Variants in HS3ST2 observed in about 807,000 individuals in gnomAD.
HS3ST2 encodes heparan sulfate-glucosamine 3-sulfotransferase 2.
HS3ST2 carries 17 observed loss-of-function variants against 26.3 expected under a neutral mutation model. That is an observed-to-expected ratio of 0.65 (90% CI 0.44 to 0.97). HS3ST2 has a LOEUF of 0.97. Ranked by LOEUF, HS3ST2 falls within the 50% of genes least tolerant of loss-of-function variation. The pLI is 0.00. For synonymous variants in HS3ST2, 237 were observed against 219.2 expected (o/e 1.08, Z -0.72); for missense variants, 402 against 501.2 (o/e 0.80, Z 1.89).
intron 1 of HS3ST2, among the ~76,000 whole-genome samples, chr16:22,880,485 A>G (rs1175593039): frequency 6.6e-6 from 1 of 152,172 alleles, no homozygotes; most frequent in East Asian, 1.9e-4. Context: ...CAAAGTATAG[A>G]CAACCAATGT....
At chr16:22,818,243 G>C (rs1336752388) in intron 1 of HS3ST2, among the ~76,000 whole-genome samples, 4 of 152,190 alleles carry the variant, frequency 2.6e-5, no homozygotes. Flanking sequence ...GAGGGAACCA[G>C]GACAGGGAAC....
chr16:22,883,335 G>A (rs1902017612), intron 1 of HS3ST2, among the ~76,000 whole-genome samples: 1 of 152,234 alleles, frequency 6.6e-6, no homozygotes, highest in Admixed American at 6.5e-5. Context: ...GAAAAAATTG[G>A]AGAGGCCAGA....
chr16:22,889,517 A>G (rs768869503), intron 1 of HS3ST2, among the ~76,000 whole-genome samples: 1 of 152,222 alleles, frequency 6.6e-6, no homozygotes, highest in African/African-American at 2.4e-5. Context: ...TCACTAGAGC[A>G]TTTCGGATTT....
intron 1 of HS3ST2, among the ~76,000 whole-genome samples, chr16:22,878,625 A>T (rs1324905947): frequency 3.3e-5 from 5 of 152,164 alleles, no homozygotes; most frequent in Non-Finnish European, 7.3e-5. Context: ...AAAAAGAAAT[A>T]AATACATTAT....
chr16:22,904,401 C>G (rs1206276691), intron 1 of HS3ST2, among the ~76,000 whole-genome samples: 2 of 152,134 alleles, frequency 1.3e-5, no homozygotes, highest in Non-Finnish European at 2.9e-5. Flanking sequence ...CAGTCATGAT[C>G]CCTGCCTTCA....
intron 1 of HS3ST2, among the ~76,000 whole-genome samples, chr16:22,901,152 G>C (rs938571367): frequency 7.9e-5 from 12 of 152,300 alleles, no homozygotes; most frequent in African/African-American, 2.9e-4. Flanking sequence ...CACATTGCAG[G>C]TGAAGAAACT....
intron 1 of HS3ST2, among the ~76,000 whole-genome samples, chr16:22,863,407 T>C (rs1901706503): frequency 6.6e-6 from 1 of 152,228 alleles, no homozygotes; most frequent in Admixed American, 6.5e-5. Flanking sequence ...AAGGTTCTTT[T>C]TTCTCCCTGT....
chr16:22,908,916 C>A (rs1269616120), intron 1 of HS3ST2, among the ~76,000 whole-genome samples: 3 of 152,086 alleles, frequency 2.0e-5, no homozygotes, highest in Non-Finnish European at 2.9e-5. Context: ...GCAACAAAAA[C>A]CAACTCTAAC....
rs1250808559 is a variant in HS3ST2 at position 22,862,019 on chromosome 16, A to G, written c.485+46924A>G. Among the ~76,000 whole-genome samples, 3 of 152,208 alleles carry G rather than the reference A, an allele frequency of 2.0e-5. No homozygotes were observed. The East Asian group carries it at 5.8e-4, about 29-fold the overall frequency. On this transcript the variant is annotated intron_variant, in intron 1 of 1. Coordinates refer to ENST00000261374, the MANE Select transcript of HS3ST2 (RefSeq NM_006043.2). ...AGAAAAGTAAATGTACTTGTTAAAT[A>G]TTCACTGCTTCTCTGTCCACCCCAA... is the stretch of plus-strand genomic sequence containing the variant.
chr16:22,905,338 C>T lies in HS3ST2; in HGVS notation c.486-9606C>T, dbSNP rs1219783153. On this transcript the variant is annotated intron_variant, in intron 1 of 1. Transcript: ENST00000261374. The stretch of plus-strand genomic sequence containing the variant: ...GTTCCAAGGGAGCTGTCCTGTGTTC[C>T]ACTGCGTAGCCCAGTGTGGGTCAAA... Among the ~76,000 whole-genome samples, 4 of 152,192 alleles carry T rather than the reference C, an allele frequency of 2.6e-5. No individual in the cohort carries two copies. In the East Asian group the frequency reaches 5.8e-4, roughly 22 times the overall value.
At chr16:22,840,862 G>A (rs1057362414) in intron 1 of HS3ST2, among the ~76,000 whole-genome samples, 2 of 151,992 alleles carry the variant, frequency 1.3e-5, no homozygotes, top group Non-Finnish European at 2.9e-5. Context: ...TGTGCACAAC[G>A]TGCAGGTTAG....
chr16:22,893,420 A>G (rs1446897380), intron 1 of HS3ST2, among the ~76,000 whole-genome samples: 1 of 152,180 alleles, frequency 6.6e-6, no homozygotes, highest in Non-Finnish European at 1.5e-5. Context: ...ATTCTGTTTC[A>G]CATTAAAGAT....
intron 1 of HS3ST2, among the ~76,000 whole-genome samples, chr16:22,865,569 A>G (rs1901739802): frequency 6.6e-6 from 1 of 152,168 alleles, no homozygotes. Flanking sequence ...AATAAAAAAA[A>G]AAGTGCTGCT....
intron 1 of HS3ST2, among the ~76,000 whole-genome samples, chr16:22,859,041 C>T (rs1056698748): frequency 2.6e-5 from 4 of 152,118 alleles, no homozygotes; most frequent in Non-Finnish European, 5.9e-5. Context: ...TGGTGTATGC[C>T]TGTAGTCCCA....
chr16:22,915,823 C>A lies in HS3ST2; in HGVS notation c.*261C>A. 6.0e-6 allele frequency: 3 copies of A among 496,786 alleles called. No homozygotes were observed. The highest frequency in any genetic ancestry group is 1.1e-5 in the Non-Finnish European group (3 of 281,524). 30.8% of individuals were successfully genotyped at this position (496,786 alleles called of 1,614,324 possible). A position where few individuals can be genotyped will look rare whatever the true frequency, so the allele number is the denominator to read the frequency against. ...AATTCCAGAATCATTCTCCTTTCTGCCCATAAAGGGCCTTGGAGAATTGCT... is the reference window on the plus strand; with the variant it reads ...AATTCCAGAATCATTCTCCTTTCTGACCATAAAGGGCCTTGGAGAATTGCT... On this transcript the variant is annotated 3_prime_UTR_variant, in exon 2 of 2. Coordinates refer to ENST00000261374, the MANE Select transcript of HS3ST2 (RefSeq NM_006043.2).
intron 1 of HS3ST2, among the ~76,000 whole-genome samples, chr16:22,853,877 A>G (rs115310524): frequency 6.6e-6 from 1 of 152,290 alleles, no homozygotes; most frequent in African/African-American, 2.4e-5. Flanking sequence ...TTGTCTGGTC[A>G]AGCAAGAATC....
In HS3ST2 at chr16:22,814,682, CA is replaced by C; in HGVS notation, c.73del (p.Thr25ArgfsTer98). 6.3e-7 allele frequency: 1 copy of C among 1,599,660 alleles called. No individual in the cohort carries two copies. ...GGGCGCGCAGGCTGCTCTTCGCCTT[CA>C]CGCTCTCGCTCTCCTGCACTTACCT... ...RRARRLLFAFTLSLSCTYLCY... is the reference protein window; with the variant it reads ...RRARRLLFAFXLSLSCTYLCY... On this transcript the variant is annotated frameshift_variant, in exon 1 of 2. Transcript: ENST00000261374. LOFTEE classifies it high-confidence loss of function.
chr16:22,847,454 T>A (rs1901452331), intron 1 of HS3ST2, among the ~76,000 whole-genome samples: 2 of 152,190 alleles, frequency 1.3e-5, no homozygotes, highest in South Asian at 4.1e-4. Flanking sequence ...TTTATGTAAA[T>A]TTTTAAAAAC....
chr16:22,867,923 G>A (rs1348832643), intron 1 of HS3ST2, among the ~76,000 whole-genome samples: 1 of 152,164 alleles, frequency 6.6e-6, no homozygotes, highest in Non-Finnish European at 1.5e-5. Flanking sequence ...GATTGGTATG[G>A]AATACTATAA....
Sources: gnomAD v4.1 joint callset for allele counts (sites outside exome capture counted in the v4.1 genomes callset) on GRCh38, gnomAD v4.1.1 for gene constraint, MANE v1.5 for transcripts, NCBI Gene and HGNC (gene_info 2026-07-23, HGNC 2026-07-21) for gene names.